The following RPS6KA6 variants were observed in gnomAD, a reference collection of about 807,000 sequenced individuals.
RPS6KA6 encodes the protein ribosomal protein S6 kinase alpha-6.
In RPS6KA6, 27 loss-of-function variants were observed where a neutral mutation model predicts 65.4. That is an observed-to-expected ratio of 0.41 (90% confidence interval 0.30 to 0.57). The LOEUF (loss-of-function observed/expected upper bound fraction) is 0.57, where lower values mean the gene tolerates loss of function less well. Ranked by LOEUF, RPS6KA6 falls within the 20% of genes least tolerant of loss-of-function variation. The probability of loss-of-function intolerance (pLI) is 0.24; values close to 1 mark genes in which losing one functional copy is unlikely to be tolerated. For synonymous variants in RPS6KA6, 190 were observed against 184.2 expected (o/e 1.03, Z -0.26); for missense variants, 486 against 555.6 (o/e 0.87, Z 1.26).
chrX:84,160,262 C>A (rs1332296889), intron 2 of RPS6KA6, among the ~76,000 whole-genome samples: 6 of 111,213 alleles, frequency 5.4e-5, no homozygotes, highest in Non-Finnish European at 7.6e-5. Flanking sequence ...GAAGGCTCAA[C>A]CACAACCAAA....
intron 1 of RPS6KA6, among the ~76,000 whole-genome samples, chrX:84,167,092 T>C (rs1207068746): frequency 9.3e-6 from 1 of 107,649 alleles, no homozygotes; most frequent in East Asian, 2.9e-4. Context: ...AAAGGAAAAA[T>C]GGGGAAAATA....
intron 20 of RPS6KA6, among the ~76,000 whole-genome samples, chrX:84,069,120 T>C (rs1008475518): frequency 1.8e-5 from 2 of 111,815 alleles, no homozygotes; most frequent in African/African-American, 6.5e-5. Context: ...ATCATAAGCA[T>C]AAAGAATAAA....
intron 3 of RPS6KA6, among the ~76,000 whole-genome samples, chrX:84,155,719 C>T (rs1042763073): frequency 1.6e-4 from 18 of 112,087 alleles, no homozygotes; most frequent in Admixed American, 1.2e-3. Flanking sequence ...TAGATTAAAT[C>T]ACCAGGAGAA....
intron 20 of RPS6KA6, among the ~76,000 whole-genome samples, chrX:84,072,754 G>A (rs761054295): frequency 9.0e-6 from 1 of 111,451 alleles, no homozygotes; most frequent in East Asian, 2.8e-4. Context: ...TGACAAGAGT[G>A]AACAGTCTGA....
intron 1 of RPS6KA6, among the ~76,000 whole-genome samples, chrX:84,181,197 A>G (rs1415659343): frequency 1.8e-5 from 2 of 111,728 alleles, no homozygotes; most frequent in East Asian, 2.8e-4. Flanking sequence ...AGTAATAATT[A>G]CCCATGGGTT....
At chrX:84,173,260 G>A (rs1239691065) in intron 1 of RPS6KA6, among the ~76,000 whole-genome samples, 4 of 110,981 alleles carry the variant, frequency 3.6e-5, no homozygotes, top group Non-Finnish European at 7.5e-5. Flanking sequence ...CATTCATTAG[G>A]CAGGCATAGT....
At chrX:84,135,866 G>A (rs901834794) in intron 6 of RPS6KA6, among the ~76,000 whole-genome samples, 3 of 111,245 alleles carry the variant, frequency 2.7e-5, no homozygotes, top group South Asian at 3.7e-4. Flanking sequence ...CTGGAAATAC[G>A]GCTGCTATGA....
intron 6 of RPS6KA6, among the ~76,000 whole-genome samples, chrX:84,136,434 T>A (rs777430931): frequency 1.3e-4 from 14 of 111,333 alleles, no homozygotes; most frequent in African/African-American, 4.5e-4. Flanking sequence ...AAATGATGAA[T>A]AGAAAAACAA....
At chrX:84,088,409 C>T (rs764239320) in intron 20 of RPS6KA6, among the ~76,000 whole-genome samples, 15 of 111,888 alleles carry the variant, frequency 1.3e-4, no homozygotes, top group Admixed American at 8.5e-4. Flanking sequence ...GGGACTGCTC[C>T]ACACCCTAGC....
At chrX:84,126,466 C>T (rs763716995) in intron 8 of RPS6KA6, among the ~76,000 whole-genome samples, 10 of 111,322 alleles carry the variant, frequency 9.0e-5, no homozygotes, top group Non-Finnish European at 1.3e-4. Context: ...AATGAAATAT[C>T]GAACTTAATC....
chrX:84,061,973 C>T lies in RPS6KA6; in HGVS notation c.*2304G>A, dbSNP rs2033308148. 9.0e-6 allele frequency: 1 copy of T among 111,164 alleles called. No homozygotes were observed. The highest frequency in any genetic ancestry group is 3.3e-5 in the African/African-American group (1 of 30,610). 9.2% of individuals were successfully genotyped at this position (111,164 alleles called of 1,213,427 possible). On this transcript the variant is annotated 3_prime_UTR_variant, in exon 22 of 22. Coordinates refer to ENST00000262752, the MANE Select transcript of RPS6KA6 (RefSeq NM_014496.5). ...AATGACAGTATGTTTTGAAGCTCTC[C>T]CATATAATAAGGTTGCCCCCTACTA...
chrX:84,117,013 CCAAAA>C, intron 11 of RPS6KA6, 42 bp downstream of exon 11: 1 of 809,341 alleles, frequency 1.2e-6, no homozygotes, highest in Middle Eastern at 3.3e-4. Context: ...AATTATCCTC[CCAAAA>C]CATGCAGTTA....
chrX:84,076,399 A>C (rs1481103806), intron 20 of RPS6KA6, among the ~76,000 whole-genome samples: 1 of 111,971 alleles, frequency 8.9e-6, no homozygotes, highest in Non-Finnish European at 1.9e-5. Flanking sequence ...CAGATGCAAA[A>C]ATTGTAAGGA....
rs2033256975 is a variant in RPS6KA6, at chrX:84,059,109, C to CTT, written c.*5166_*5167dup. 4 of 22,446 alleles carry CTT rather than the reference C, an allele frequency of 1.8e-4. No homozygotes were observed. The highest frequency in any genetic ancestry group is 1.1e-3 in the East Asian group (1 of 920). 1.8% of individuals were successfully genotyped at this position (22,446 alleles called of 1,213,427 possible). A position where few individuals can be genotyped will look rare whatever the true frequency, so the allele number is the denominator to read the frequency against. ...TGTGTAACTTTTTAAATGGCTGTTT[C>CTT]TTTTCTTTTTTTTTTTTTTTTTTTT... On this transcript the variant is annotated 3_prime_UTR_variant, in exon 22 of 22. Transcript: ENST00000262752.
chrX:84,157,144 G>C (rs998454618), intron 2 of RPS6KA6, among the ~76,000 whole-genome samples: 3 of 111,621 alleles, frequency 2.7e-5, no homozygotes, highest in African/African-American at 9.8e-5. Context: ...AAGTGAACAA[G>C]AGTATGGTCC....
chrX:84,087,694 T>G (rs1291694709), intron 20 of RPS6KA6, among the ~76,000 whole-genome samples: 1 of 111,811 alleles, frequency 8.9e-6, no homozygotes, highest in Non-Finnish European at 1.9e-5. Flanking sequence ...TGAATTTGAA[T>G]GTTGGTCTTT....
intron 20 of RPS6KA6, among the ~76,000 whole-genome samples, chrX:84,087,460 T>C (rs2033950218): frequency 8.9e-6 from 1 of 112,083 alleles, no homozygotes; most frequent in Non-Finnish European, 1.9e-5. Flanking sequence ...ATTCTTTTCT[T>C]TAAGAATGTT....
At chrX:84,080,859 A>C (rs1428591152) in intron 20 of RPS6KA6, among the ~76,000 whole-genome samples, 1 of 111,567 alleles carries the variant, frequency 9.0e-6, no homozygotes, top group Non-Finnish European at 1.9e-5. Flanking sequence ...AAAGGGAAAA[A>C]CGTGCTCCCG....
intron 6 of RPS6KA6, among the ~76,000 whole-genome samples, chrX:84,143,857 C>A (rs1277973297): frequency 1.8e-5 from 2 of 111,230 alleles, no homozygotes; most frequent in Non-Finnish European, 3.8e-5. Context: ...ATGAACAGAA[C>A]AGAGTATCCA....
Sources: allele counts gnomAD v4.1 joint callset (sites outside exome capture counted in the v4.1 genomes callset), GRCh38; gene constraint gnomAD v4.1.1; transcripts MANE v1.5; gene names NCBI Gene and HGNC (gene_info 2026-07-23, HGNC 2026-07-21).